Variants in ELF1 observed in about 807,000 individuals in gnomAD.
ELF1 encodes the protein E74 like ETS transcription factor 1.
In ELF1, 24 loss-of-function variants were observed where a neutral mutation model predicts 59.9. The observed-to-expected ratio is 0.40, with a 90% CI of 0.29 to 0.56. The LOEUF (loss-of-function observed/expected upper bound fraction) is 0.56. Among genes scored for constraint, ELF1 ranks in the 20% least tolerant of loss-of-function variants. The pLI is 0.44. For missense variants in ELF1, 627 were observed against 742.2 expected, an observed-to-expected ratio of 0.84 and a Z score of 1.80; for synonymous variants, 248 against 266.2, an observed-to-expected ratio of 0.93 and a Z score of 0.67.
At chr13:40,940,335 TTTG>T (rs1870050261) in intron 8 of ELF1, among the ~76,000 whole-genome samples, 1 of 146,672 alleles carries the variant, frequency 6.8e-6, no homozygotes, top group African/African-American at 2.6e-5. Context: ...TCTCAGTCAA[TTTG>T]TTGTTTAGCA....
intron 1 of ELF1, among the ~76,000 whole-genome samples, chr13:40,994,351 G>A (rs943077098): frequency 1.3e-5 from 2 of 152,138 alleles, no homozygotes; most frequent in African/African-American, 4.8e-5. Flanking sequence ...AAAATCAAAA[G>A]AGAAATATCA....
At chr13:40,957,984 T>C in intron 3 of ELF1, among the ~76,000 whole-genome samples, 1 of 152,232 alleles carries the variant, frequency 6.6e-6, no homozygotes, top group Non-Finnish European at 1.5e-5. Flanking sequence ...CCCCAGTACT[T>C]GCCACTATGA....
intron 8 of ELF1, among the ~76,000 whole-genome samples, chr13:40,934,996 A>C (rs1411975049): frequency 6.6e-6 from 1 of 152,216 alleles, no homozygotes; most frequent in Non-Finnish European, 1.5e-5. Context: ...GCTTTGGAAA[A>C]ATACATAGAA....
chr13:41,038,664 A>G (rs1452673596), intron 1 of ELF1, among the ~76,000 whole-genome samples: 1 of 152,266 alleles, frequency 6.6e-6, no homozygotes, highest in African/African-American at 2.4e-5. Flanking sequence ...CCAATTAGAC[A>G]TTTAAATGTA....
intron 1 of ELF1, among the ~76,000 whole-genome samples, chr13:41,014,924 A>G (rs1175934860): frequency 6.6e-6 from 1 of 151,430 alleles, no homozygotes; most frequent in African/African-American, 2.4e-5. Context: ...TTACAGGGTT[A>G]AAAAAAAAGT....
At chr13:40,989,266 C>T (rs1041558838) in intron 1 of ELF1, among the ~76,000 whole-genome samples, 1 of 152,146 alleles carries the variant, frequency 6.6e-6, no homozygotes, top group Non-Finnish European at 1.5e-5. Context: ...TTTCTCTAAA[C>T]CAGGTACTCT....
At chr13:40,978,909 C>A (rs1873086002) in intron 2 of ELF1, among the ~76,000 whole-genome samples, 1 of 151,922 alleles carries the variant, frequency 6.6e-6, no homozygotes, top group Admixed American at 6.6e-5. Context: ...TCAGGGGGTA[C>A]ATGTGCAGGT....
rs1167503908 is a variant in ELF1 at position 40,975,824 on chromosome 13, T to C, written c.72+6159A>G. Among the ~76,000 whole-genome samples the C allele has an allele frequency of 4.6e-5, 7 of 151,336 alleles. No homozygotes were observed. In the East Asian group the frequency reaches 7.7e-4, roughly 17 times the overall value. ...CAACAGGTAAGTTTTACCTATTTTATAGAAGAGATCACTTATTCAACAGAT... is the reference window on the plus strand; with the variant it reads ...CAACAGGTAAGTTTTACCTATTTTACAGAAGAGATCACTTATTCAACAGAT... On this transcript the variant is annotated intron_variant, in intron 2 of 8. Coordinates refer to ENST00000239882, the MANE Select transcript of ELF1 (RefSeq NM_172373.4).
intron 1 of ELF1, among the ~76,000 whole-genome samples, chr13:41,002,503 T>C (rs905126902): frequency 4.1e-5 from 6 of 146,688 alleles, no homozygotes; most frequent in South Asian, 2.1e-4. Context: ...TAGATGGGCA[T>C]GGTGGCATGA....
intron 1 of ELF1, among the ~76,000 whole-genome samples, chr13:40,998,618 T>C (rs936915426): frequency 2.6e-5 from 4 of 152,226 alleles, no homozygotes; most frequent in Non-Finnish European, 4.4e-5. Flanking sequence ...AAATCTTAGA[T>C]AGAAGCAAAC....
At chr13:41,027,550 T>C (rs1352598577) in intron 1 of ELF1, among the ~76,000 whole-genome samples, 1 of 152,200 alleles carries the variant, frequency 6.6e-6, no homozygotes, top group Non-Finnish European at 1.5e-5. Context: ...TATGGCACCA[T>C]TCCCTGGGGT....
chr13:40,935,572 C>A (rs1004553825), intron 8 of ELF1, among the ~76,000 whole-genome samples: 1 of 152,148 alleles, frequency 6.6e-6, no homozygotes, highest in Non-Finnish European at 1.5e-5. Flanking sequence ...ATACAGATTA[C>A]CAAACTTAGA....
chr13:41,060,871 GCACCTCTCGC>G, exon 1 of ELF1: 1 of 331,584 alleles, frequency 3.0e-6, no homozygotes, highest in Non-Finnish European at 5.9e-6. Flanking sequence ...CTCCTTCGCC[GCACCTCTCGC>G]CACCGCCGCC....
intron 1 of ELF1, among the ~76,000 whole-genome samples, chr13:41,030,153 A>C (rs1213004572): frequency 6.6e-6 from 1 of 152,086 alleles, no homozygotes; most frequent in Non-Finnish European, 1.5e-5. Flanking sequence ...TCCATCATTT[A>C]GAAGTAGAAA....
At chr13:41,033,454 T>C (rs568209643) in intron 1 of ELF1, among the ~76,000 whole-genome samples, 7 of 152,136 alleles carry the variant, frequency 4.6e-5, no homozygotes, top group Admixed American at 1.3e-4. Context: ...AGCAATAAAA[T>C]GGAGCTAACT....
intron 2 of ELF1, among the ~76,000 whole-genome samples, chr13:40,976,636 G>A (rs1292190203): frequency 6.6e-6 from 1 of 152,160 alleles, no homozygotes; most frequent in Non-Finnish European, 1.5e-5. Context: ...CCACCTACCG[G>A]GTTCAAGCAA....
At chr13:40,991,497 G>A (rs1873850819) in intron 1 of ELF1, among the ~76,000 whole-genome samples, 2 of 152,008 alleles carry the variant, frequency 1.3e-5, no homozygotes, top group South Asian at 4.1e-4. Context: ...GACAGATCTG[G>A]AACTCCTGGG....
intron 1 of ELF1, among the ~76,000 whole-genome samples, chr13:40,987,600 A>AAAAAG (rs1555276298): frequency 7.0e-6 from 1 of 143,652 alleles, no homozygotes; most frequent in Non-Finnish European, 1.5e-5. Context: ...AAAAAAAAAA[A>AAAAAG]AAAAGAAAGA....
intron 6 of ELF1, 55 bp from the exon 7 acceptor site, chr13:40,943,199 CAA>C: frequency 1.4e-6 from 2 of 1,393,702 alleles, no homozygotes; most frequent in South Asian, 3.7e-5. Context: ...AAAAGAACCT[CAA>C]AAAAGACAAC....
Sources: gnomAD v4.1 joint callset for allele counts (sites outside exome capture counted in the v4.1 genomes callset) on GRCh38, gnomAD v4.1.1 for gene constraint, MANE v1.5 for transcripts, NCBI Gene and HGNC (gene_info 2026-07-23, HGNC 2026-07-21) for gene names.